The following CNOT6L variants were observed in gnomAD, a reference collection of about 807,000 sequenced individuals.
The protein encoded by CNOT6L is CCR4-NOT transcription complex subunit 6-like.
In CNOT6L, 7 loss-of-function variants were observed where a neutral mutation model predicts 64.0. The ratio of observed to expected loss-of-function variants is 0.11; its 90% CI spans 0.06 to 0.21. The LOEUF (loss-of-function observed/expected upper bound fraction) is 0.21, where lower values mean the gene tolerates loss of function less well. Among genes scored for constraint, CNOT6L ranks in the 10% least tolerant of loss-of-function variants. The pLI is 1.00. For synonymous variants in CNOT6L, 193 were observed against 243.4 expected, an observed-to-expected ratio of 0.79 and a Z score of 1.93; for missense variants, 245 against 669.0, an observed-to-expected ratio of 0.37 and a Z score of 6.99.
At chr4:77,767,845 G>A (rs1727023722) in intron 4 of CNOT6L, among the ~76,000 whole-genome samples, 1 of 151,898 alleles carries the variant, frequency 6.6e-6, no homozygotes. Flanking sequence ...TGGGCATGGT[G>A]GCGGGAGCCT....
chr4:77,722,031 A>C (rs1721336075), intron 11 of CNOT6L, among the ~76,000 whole-genome samples: 1 of 152,088 alleles, frequency 6.6e-6, no homozygotes, highest in Non-Finnish European at 1.5e-5. Flanking sequence ...TTTACCACAA[A>C]TTAAGGAACT....
At chr4:77,753,614 T>TGAGTCGA (rs2109986099) in intron 5 of CNOT6L, among the ~76,000 whole-genome samples, 1 of 152,122 alleles carries the variant, frequency 6.6e-6, no homozygotes, top group East Asian at 1.9e-4. Context: ...GAGGTTGCAG[T>TGAGTCGA]GAGTCGAGAT....
At chr4:77,790,159 T>C (rs1729961032) in intron 1 of CNOT6L, among the ~76,000 whole-genome samples, 1 of 152,058 alleles carries the variant, frequency 6.6e-6, no homozygotes, top group South Asian at 2.1e-4. Context: ...ACTCATACGG[T>C]GTGTAGTCTT....
chr4:77,767,584 GA>G (rs145293471), intron 4 of CNOT6L, among the ~76,000 whole-genome samples: 8,016 of 152,130 alleles, frequency 0.053, 271 homozygotes, highest in African/African-American at 0.092. Context: ...CTGAGAAAAG[GA>G]AAAACTATTC....
chr4:77,730,976 T>A (rs1463968095), intron 9 of CNOT6L, among the ~76,000 whole-genome samples: 2 of 152,030 alleles, frequency 1.3e-5, no homozygotes, highest in East Asian at 3.8e-4. Context: ...GACTGAGATA[T>A]AACAAAGAAA....
chr4:77,745,041 G>T (rs931512594), intron 6 of CNOT6L, among the ~76,000 whole-genome samples, 166 bp from the exon 7 acceptor site: 1 of 152,132 alleles, frequency 6.6e-6, no homozygotes, highest in Admixed American at 6.5e-5. Flanking sequence ...AAACATCATT[G>T]GAGTCTATCA....
chr4:77,740,542 A>G (rs1723469104), intron 8 of CNOT6L, among the ~76,000 whole-genome samples: 1 of 152,258 alleles, frequency 6.6e-6, no homozygotes, highest in Non-Finnish European at 1.5e-5. Context: ...GGAACTAGTT[A>G]TTGAACTTGT....
intron 7 of CNOT6L, 79 bp downstream of exon 7, chr4:77,744,639 T>A (rs1723998010): frequency 8.1e-7 from 1 of 1,230,254 alleles, no homozygotes; most frequent in African/African-American, 1.5e-5. Context: ...AAACACAGGA[T>A]CTCTCCCAGT....
intron 1 of CNOT6L, among the ~76,000 whole-genome samples, chr4:77,809,474 G>A (rs1732650388): frequency 6.6e-6 from 1 of 152,034 alleles, no homozygotes; most frequent in African/African-American, 2.4e-5. Flanking sequence ...GTGTTTCAAG[G>A]CTACCATTCT....
At chr4:77,776,232 C>G (rs780727290) in intron 2 of CNOT6L, 39 bp downstream of exon 2, 1 of 1,597,286 alleles carries the variant, frequency 6.3e-7, no homozygotes, top group South Asian at 1.1e-5. Flanking sequence ...TGTATTATCA[C>G]TATTACATTC....
chr4:77,773,076 C>T lies in CNOT6L; in HGVS notation c.400+5G>A. The T allele has an allele frequency of 6.3e-7, 1 of 1,585,508 alleles. No individual in the cohort carries two copies. ...ATACCTCAAAACTGTTTAAAAATCA[C>T]TTACCTTTCAAACCTAGAGTTTGTA... On this transcript the variant is annotated splice_donor_5th_base_variant and intron_variant, in intron 4 of 11. Transcript: ENST00000504123.
chr4:77,800,576 T>G (rs930785908), intron 1 of CNOT6L, among the ~76,000 whole-genome samples: 1 of 152,214 alleles, frequency 6.6e-6, no homozygotes, highest in Non-Finnish European at 1.5e-5. Context: ...AAAGTCTGAA[T>G]AGCTGTAACA....
chr4:77,754,029 G>C (rs1725174741), intron 5 of CNOT6L, among the ~76,000 whole-genome samples: 1 of 151,948 alleles, frequency 6.6e-6, no homozygotes, highest in African/African-American at 2.4e-5. Context: ...AATTAGACAA[G>C]GATGCCCATT....
chr4:77,795,400 A>G (rs575344784), intron 1 of CNOT6L, among the ~76,000 whole-genome samples: 9 of 152,274 alleles, frequency 5.9e-5, no homozygotes, highest in African/African-American at 2.2e-4. Context: ...ACCAGTTGAC[A>G]TGGTTTAGCT....
rs1256561062 is a variant in CNOT6L, at chr4:77,713,952, T to C, written c.*6479A>G. ...AAATAGTCTAATTTAAAAAAAAATC[T>C]TAGATTTTAAACTGATTACTGAAAC... On this transcript the variant is annotated 3_prime_UTR_variant, in exon 12 of 12. Transcript: ENST00000504123. 1 of 152,568 alleles carries C rather than the reference T, an allele frequency of 6.6e-6. No homozygotes were observed. Among genetic ancestry groups the C allele is most frequent in the African/African-American group, 2.4e-5 (1 of 41,432 alleles). The allele number at this position is 152,568 out of a possible 1,614,324, so 9.5% of individuals were successfully genotyped here. A position where few individuals can be genotyped will look rare whatever the true frequency, so the allele number is the denominator to read the frequency against.
intron 1 of CNOT6L, among the ~76,000 whole-genome samples, chr4:77,796,941 T>C (rs913843226): frequency 2.6e-5 from 4 of 151,560 alleles, no homozygotes; most frequent in African/African-American, 7.3e-5. Context: ...AAAAATTAGC[T>C]GGGCATGGTG....
chr4:77,808,638 G>A (rs1281892423), intron 1 of CNOT6L, among the ~76,000 whole-genome samples: 2 of 151,982 alleles, frequency 1.3e-5, no homozygotes, highest in Admixed American at 6.6e-5. Flanking sequence ...TGTGTACAAA[G>A]GAAAAGATGT....
chr4:77,808,399 T>C (rs1578009535), intron 1 of CNOT6L, among the ~76,000 whole-genome samples: 1 of 148,894 alleles, frequency 6.7e-6, no homozygotes. Context: ...GAGGTGGAGG[T>C]TGCAGTGAGC....
upstream of CNOT6L, among the ~76,000 whole-genome samples, chr4:77,820,181 C>T (rs971439488): frequency 1.3e-5 from 2 of 152,162 alleles, no homozygotes; most frequent in Admixed American, 6.5e-5. Context: ...GAGAGGCGTC[C>T]GGGCGATATC....
Sources: allele counts gnomAD v4.1 joint callset (sites outside exome capture counted in the v4.1 genomes callset), GRCh38; gene constraint gnomAD v4.1.1; transcripts MANE v1.5; gene names NCBI Gene and HGNC (gene_info 2026-07-23, HGNC 2026-07-21).